The following ESR2 variants were observed in gnomAD, a reference collection of about 807,000 sequenced individuals.
ESR2 encodes estrogen receptor beta.
In ESR2, 36 loss-of-function variants were observed where a neutral mutation model predicts 49.6. The ratio of observed to expected loss-of-function variants is 0.73; its 90% CI spans 0.56 to 0.96. The LOEUF is 0.96. ESR2 is among the 40% of genes least tolerant of loss of function. ESR2 has a pLI of 0.00. For synonymous variants in ESR2, 320 were observed against 266.1 expected (o/e 1.20, Z -1.97); for missense variants, 714 against 693.0 (o/e 1.03, Z -0.34).
In ESR2 at chr14:64,283,028, A is replaced by G. The variant is rs2076713705; in HGVS notation, c.-43T>C. On this transcript the variant is annotated 5_prime_UTR_variant, in exon 2 of 9. Coordinates refer to ENST00000341099, the MANE Select transcript of ESR2 (RefSeq NM_001437.3). ...GAGAAAACACCTTGCAAGAAGAGGCACAAAGGTCATTATAATGTTCTCAAA... is the reference window on the plus strand; with the variant it reads ...GAGAAAACACCTTGCAAGAAGAGGCGCAAAGGTCATTATAATGTTCTCAAA... 1.9e-6 allele frequency: 3 copies of G among 1,570,188 alleles called. No homozygotes were observed. The highest frequency in any genetic ancestry group is 2.7e-5 in the African/African-American group (2 of 73,768).
chr14:64,334,990 A>C (rs1423226857), intron 1 of ESR2, among the ~76,000 whole-genome samples: 2 of 152,234 alleles, frequency 1.3e-5, no homozygotes, highest in African/African-American at 4.8e-5. Context: ...CTGTTTGTGT[A>C]GGGTTTTTTC....
At chr14:64,258,454 G>T (rs567313052) in intron 5 of ESR2, among the ~76,000 whole-genome samples, 1 of 152,094 alleles carries the variant, frequency 6.6e-6, no homozygotes, top group African/African-American at 2.4e-5. Context: ...ACTCTGGTTC[G>T]AACCCCAGCT....
intron 5 of ESR2, among the ~76,000 whole-genome samples, chr14:64,259,021 G>T (rs1186385126): frequency 1.3e-5 from 2 of 152,218 alleles, no homozygotes; most frequent in South Asian, 2.1e-4. Flanking sequence ...ATGGCACAAA[G>T]AAGGTGCACA....
In ESR2 at chr14:64,274,640, T is replaced by G. The variant is rs550991607; in HGVS notation, c.535+5341A>C. Among the ~76,000 whole-genome samples, 11 of 152,306 alleles carry G rather than the reference T, an allele frequency of 7.2e-5. No individual in the cohort carries two copies. In the South Asian group the frequency reaches 2.3e-3, roughly 32 times the overall value. ...CTTTTTATGAATATTTCTTTTCTTCTATTAATTTTGGGTTTGGCTTGCTCT... is the reference window on the plus strand; with the variant it reads ...CTTTTTATGAATATTTCTTTTCTTCGATTAATTTTGGGTTTGGCTTGCTCT... On this transcript the variant is annotated intron_variant, in intron 3 of 8. Coordinates refer to ENST00000341099, the MANE Select transcript of ESR2 (RefSeq NM_001437.3).
rs550667107 is a variant in ESR2 at position 64,284,705 on chromosome 14, T to C, written c.-90-1630A>G. 2.6e-5 allele frequency among the ~76,000 whole-genome samples: 4 copies of C among 152,300 alleles called. No homozygotes were observed. The East Asian group carries it at 5.8e-4, about 22-fold the overall frequency. Reference sequence around the variant, plus strand: ...ACCACTCATTTCCTATTTGTGTTAATAGAAAAAGCCCATCATAGTTACCTT... The same window carrying C: ...ACCACTCATTTCCTATTTGTGTTAACAGAAAAAGCCCATCATAGTTACCTT... On this transcript the variant is annotated intron_variant, in intron 1 of 8. Coordinates refer to ENST00000341099, the MANE Select transcript of ESR2 (RefSeq NM_001437.3).
chr14:64,305,053 G>A (rs1435014452), intron 1 of ESR2, among the ~76,000 whole-genome samples: 1 of 152,144 alleles, frequency 6.6e-6, no homozygotes, highest in Non-Finnish European at 1.5e-5. Context: ...CTCTTTGGGA[G>A]GCTGAGGTGG....
intron 1 of ESR2, among the ~76,000 whole-genome samples, chr14:64,316,898 T>C (rs1246756565): frequency 6.6e-6 from 1 of 152,136 alleles, no homozygotes; most frequent in African/African-American, 2.4e-5. Flanking sequence ...CAAATCAAAT[T>C]CAGCAATACA....
In ESR2 at chr14:64,300,337, T is replaced by A. The variant is rs570918625; in HGVS notation, c.-90-17262A>T. 1.1e-4 allele frequency among the ~76,000 whole-genome samples: 16 copies of A among 152,322 alleles called. No individual in the cohort carries two copies. The East Asian group carries it at 3.1e-3, about 29-fold the overall frequency. ...CATCTGCCATATTGCACTGCTACTA[T>A]CTCACAGGCCTTTCAACCGGACCCC... On this transcript the variant is annotated intron_variant, in intron 1 of 8. Coordinates refer to the ESR2 transcript ENST00000358599.
chr14:64,275,997 T>C (rs905991614), intron 3 of ESR2, among the ~76,000 whole-genome samples: 3 of 152,186 alleles, frequency 2.0e-5, no homozygotes, highest in Non-Finnish European at 4.4e-5. Flanking sequence ...ATTTGGTTAT[T>C]TCATTCAGTA....
chr14:64,279,874 T>C (rs2140808204), intron 3 of ESR2, 107 bp downstream of exon 3: 5 of 896,796 alleles, frequency 5.6e-6, no homozygotes, highest in Non-Finnish European at 9.0e-6. Context: ...ATCAAATACT[T>C]TGTGTGCCAA....
chr14:64,274,047 C>T (rs1478920970), intron 3 of ESR2, among the ~76,000 whole-genome samples: 2 of 151,712 alleles, frequency 1.3e-5, no homozygotes, highest in African/African-American at 4.8e-5. Context: ...CCAAGCTATC[C>T]TCCCACCTCA....
At chr14:64,313,517 AGTGAGGCTCT>A (rs1348038715) in intron 1 of ESR2, among the ~76,000 whole-genome samples, 1 of 129,586 alleles carries the variant, frequency 7.7e-6, no homozygotes, top group Non-Finnish European at 1.6e-5. Flanking sequence ...CTGGGGCAAC[AGTGAGGCTCT>A]GTCAAAAAAA....
At chr14:64,267,596 G>A (rs1446270393) in intron 4 of ESR2, among the ~76,000 whole-genome samples, 3 of 152,044 alleles carry the variant, frequency 2.0e-5, no homozygotes, top group African/African-American at 7.2e-5. Context: ...GTCAGGGAGG[G>A]CTGGGTACAG....
intron 1 of ESR2, among the ~76,000 whole-genome samples, chr14:64,337,080 T>C (rs1418618641): frequency 6.6e-6 from 1 of 152,216 alleles, no homozygotes; most frequent in African/African-American, 2.4e-5. Flanking sequence ...CTCTAGCACC[T>C]ATAGCAGTGT....
At chr14:64,307,603 C>T (rs1385945103) in intron 1 of ESR2, among the ~76,000 whole-genome samples, 3 of 151,858 alleles carry the variant, frequency 2.0e-5, no homozygotes, top group Non-Finnish European at 4.4e-5. Flanking sequence ...GGCACGATCT[C>T]AGCTCACTGC....
At chr14:64,283,195 A>C (rs1308362072) in intron 1 of ESR2, 120 bp from the exon 2 acceptor site, 9 of 426,024 alleles carry the variant, frequency 2.1e-5, no homozygotes, top group Non-Finnish European at 2.9e-5. Context: ...CATCCTGAAA[A>C]ATATACATGA....
At chr14:64,326,913 G>C (rs551973192) in intron 1 of ESR2, among the ~76,000 whole-genome samples, 1 of 152,264 alleles carries the variant, frequency 6.6e-6, no homozygotes, top group East Asian at 1.9e-4. Context: ...AAGGAACCAT[G>C]GCTTCCTTCT....
chr14:64,315,687 G>A (rs1214626839), intron 1 of ESR2, among the ~76,000 whole-genome samples: 1 of 138,084 alleles, frequency 7.2e-6, no homozygotes, highest in Non-Finnish European at 1.6e-5. Flanking sequence ...ATGGAGTCTT[G>A]CTCTGTTGAC....
In ESR2 at chr14:64,253,503, T is replaced by C. The variant is rs377547356; in HGVS notation, c.1091+3723A>G. On this transcript the variant is annotated intron_variant, in intron 6 of 8. Transcript: ENST00000341099. ...ACCGTGCCTGGCCTAAAGAAGAATA[T>C]TGTTTAATACAACAACAAAATGTTG... Among the ~76,000 whole-genome samples, 32 of 151,948 alleles carry C rather than the reference T, an allele frequency of 2.1e-4. No individual in the cohort carries two copies. In the South Asian group the frequency reaches 6.6e-3, roughly 32 times the overall value.
Sources: gnomAD v4.1 joint callset for allele counts (sites outside exome capture counted in the v4.1 genomes callset) on GRCh38, gnomAD v4.1.1 for gene constraint, MANE v1.5 for transcripts, NCBI Gene and HGNC (gene_info 2026-07-23, HGNC 2026-07-21) for gene names.